The following DDI2 variants were observed in gnomAD, a reference collection of about 807,000 sequenced individuals.
DDI2 encodes the protein protein DDI1 homolog 2.
DDI2 carries 5 observed loss-of-function variants against 48.1 expected under a neutral mutation model. The ratio of observed to expected loss-of-function variants is 0.10; its 90% CI spans 0.05 to 0.22. The LOEUF is 0.22. DDI2 is among the 10% of genes least tolerant of loss of function. The pLI is 1.00. For synonymous variants in DDI2, 205 were observed against 183.6 expected (o/e 1.12, Z -0.94); for missense variants, 285 against 506.2 (o/e 0.56, Z 4.19).
chr1:15,633,431 T>G lies in DDI2; in HGVS notation c.506-8T>G, dbSNP rs1472456040. ...GATATTTAAGATTTTTCTCCCTTATTTTTGTAGAGAAATTTTCTAGAGTCC... is the reference window on the plus strand; with the variant it reads ...GATATTTAAGATTTTTCTCCCTTATGTTTGTAGAGAAATTTTCTAGAGTCC... On this transcript the variant is annotated splice_polypyrimidine_tract_variant and splice_region_variant and intron_variant, in intron 3 of 9. Transcript: ENST00000480945. 3 of 1,609,808 alleles carry G rather than the reference T, an allele frequency of 1.9e-6. No individual in the cohort carries two copies. Among genetic ancestry groups the G allele is most frequent in the Non-Finnish European group, 2.5e-6 (3 of 1,178,514 alleles).
At chr1:15,642,562 C>T (rs573805868) in intron 5 of DDI2, among the ~76,000 whole-genome samples, 4 of 152,288 alleles carry the variant, frequency 2.6e-5, no homozygotes, top group African/African-American at 7.2e-5. Flanking sequence ...GTGATCCTCC[C>T]GTCTTGGCCT....
intron 1 of DDI2, among the ~76,000 whole-genome samples, chr1:15,620,280 G>A (rs545504384): frequency 5.9e-5 from 9 of 152,248 alleles, no homozygotes; most frequent in African/African-American, 1.9e-4. Context: ...GTGTCTGGTG[G>A]TCGGTTGTCT....
At chr1:15,620,800 G>T (rs1233031098) in intron 1 of DDI2, among the ~76,000 whole-genome samples, 1 of 152,070 alleles carries the variant, frequency 6.6e-6, no homozygotes, top group Non-Finnish European at 1.5e-5. Flanking sequence ...TATCTGTAAA[G>T]TAACATTGTA....
chr1:15,629,393 C>T (rs1343560655), intron 2 of DDI2, among the ~76,000 whole-genome samples: 1 of 151,954 alleles, frequency 6.6e-6, no homozygotes, highest in Non-Finnish European at 1.5e-5. Context: ...GTCAGGATTT[C>T]GAGACCAGCC....
intron 2 of DDI2, among the ~76,000 whole-genome samples, chr1:15,627,372 G>A (rs1234133767): frequency 1.3e-5 from 2 of 152,218 alleles, no homozygotes; most frequent in Non-Finnish European, 2.9e-5. Context: ...AAAATTTGAT[G>A]CTTTTTCCAT....
rs1259676263 is a variant in DDI2 at position 15,665,307 on chromosome 1, C to G, written c.*5517C>G. ...GTAACCAGTTGCTTGGCAAAGGAAG[C>G]TGGAGAGATGGCGAGTGCATGTGTT... On this transcript the variant is annotated 3_prime_UTR_variant, in exon 10 of 10. Coordinates refer to ENST00000480945, the MANE Select transcript of DDI2 (RefSeq NM_032341.5). 6.6e-6 allele frequency: 1 copy of G among 151,466 alleles called. No individual in the cohort carries two copies. The highest frequency in any genetic ancestry group is 2.5e-5 in the African/African-American group (1 of 40,648). The allele number at this position is 151,466 out of a possible 1,614,324, so 9.4% of individuals were successfully genotyped here. A position where few individuals can be genotyped will look rare whatever the true frequency, so the allele number is the denominator to read the frequency against.
intron 1 of DDI2, among the ~76,000 whole-genome samples, chr1:15,618,949 T>C (rs1639609361): frequency 6.6e-6 from 1 of 152,248 alleles, no homozygotes; most frequent in African/African-American, 2.4e-5. Flanking sequence ...TTCAGAAGTA[T>C]GATTCCTTTA....
chr1:15,630,776 C>T (rs1273350935), intron 3 of DDI2, among the ~76,000 whole-genome samples: 1 of 152,150 alleles, frequency 6.6e-6, no homozygotes, highest in Non-Finnish European at 1.5e-5. Flanking sequence ...AGGCCACCCC[C>T]CTTGGTTTAC....
In DDI2 at chr1:15,617,574, C is replaced by A; in HGVS notation, c.-97C>A. 9.3e-7 allele frequency: 1 copy of A among 1,075,566 alleles called. No individual in the cohort carries two copies. Among genetic ancestry groups the A allele is most frequent in the Non-Finnish European group, 1.2e-6 (1 of 842,512 alleles). 66.6% of individuals were successfully genotyped at this position (1,075,566 alleles called of 1,614,324 possible). On this transcript the variant is annotated 5_prime_UTR_variant, in exon 1 of 10. Transcript: ENST00000480945. ...CGAGCGAACGAGCAGCCGGCGCCGT[C>A]CTCCCGCAGCACCAGCCAGGCCACG...
At chr1:15,625,959 T>G (rs1420148390) in intron 1 of DDI2, among the ~76,000 whole-genome samples, 1 of 152,210 alleles carries the variant, frequency 6.6e-6, no homozygotes, top group African/African-American at 2.4e-5. Flanking sequence ...GAAGGAAGAT[T>G]GCAGTGCAGG....
Position 15,662,292 on chromosome 1 carries a change from G to A in DDI2, c.*2502G>A, listed in dbSNP as rs1011506190. On this transcript the variant is annotated 3_prime_UTR_variant, in exon 10 of 10. Coordinates refer to ENST00000480945, the MANE Select transcript of DDI2 (RefSeq NM_032341.5). ...TTGGAGAATAATTGAATATCTTATC[G>A]TAGAGTGGTATGTTTTTATTTGTGT... is the stretch of plus-strand genomic sequence containing the variant. 5 of 152,338 alleles carry A rather than the reference G, an allele frequency of 3.3e-5. No individual in the cohort carries two copies. Among genetic ancestry groups the A allele is most frequent in the African/African-American group, 9.7e-5 (4 of 41,414 alleles). The allele number at this position is 152,338 out of a possible 1,614,324, so 9.4% of individuals were successfully genotyped here.
At chr1:15,619,784 T>G (rs1639628607) in intron 1 of DDI2, among the ~76,000 whole-genome samples, 1 of 152,136 alleles carries the variant, frequency 6.6e-6, no homozygotes, top group Non-Finnish European at 1.5e-5. Flanking sequence ...TTCCTCTAGC[T>G]GTTATATTAC....
intron 9 of DDI2, among the ~76,000 whole-genome samples, chr1:15,657,388 T>C (rs1021683617): frequency 6.6e-6 from 1 of 152,238 alleles, no homozygotes; most frequent in African/African-American, 2.4e-5. Flanking sequence ...ACATAGCATT[T>C]AGTTTCTCTT....
chr1:15,636,334 C>T (rs1424175222), intron 4 of DDI2, among the ~76,000 whole-genome samples: 1 of 152,062 alleles, frequency 6.6e-6, no homozygotes, highest in Admixed American at 6.6e-5. Flanking sequence ...CGCCGTGTTG[C>T]CCAGTCGTGT....
At chr1:15,633,160 C>T (rs1369231791) in intron 3 of DDI2, among the ~76,000 whole-genome samples, 1 of 152,000 alleles carries the variant, frequency 6.6e-6, no homozygotes, top group Non-Finnish European at 1.5e-5. Flanking sequence ...AACTCCTAGG[C>T]TCAAACGGTC....
At chr1:15,629,745 T>G (rs1366291093) in intron 2 of DDI2, among the ~76,000 whole-genome samples, 1 of 146,030 alleles carries the variant, frequency 6.8e-6, no homozygotes, top group African/African-American at 2.6e-5. Flanking sequence ...TTTTTTTTTC[T>G]TTTGAGATGA....
chr1:15,619,562 T>C lies in DDI2; in HGVS notation c.138+1754T>C, dbSNP rs375501932. On this transcript the variant is annotated intron_variant, in intron 1 of 9. Transcript: ENST00000480945. ...CTGCAAGCTCCACCTCCCGGGTTCG[T>C]GCCATTCTCCTGCCTCAGCCTCCCG... Among the ~76,000 whole-genome samples, 479 of 147,588 alleles carry C rather than the reference T, an allele frequency of 3.2e-3. 3 individuals are homozygous for C. Among genetic ancestry groups the C allele is most frequent in the African/African-American group, 0.011 (433 of 40,014 alleles).
At chr1:15,656,573 C>T in intron 8 of DDI2, 44 bp from the exon 9 acceptor site, 7 of 1,614,082 alleles carry the variant, frequency 4.3e-6, no homozygotes, top group Non-Finnish European at 5.9e-6. Flanking sequence ...GTGTGGTTTG[C>T]ATTGTTAACC....
chr1:15,634,539 C>CTTTTTTTTTTTTTTTTTTTTTTTTTTTT (rs370728497), intron 4 of DDI2, among the ~76,000 whole-genome samples: 16 of 100,138 alleles, frequency 1.6e-4, no homozygotes, highest in African/African-American at 4.1e-4. Context: ...TTCTTTTTAT[C>CTTTTTTTTTTTTTTTTTTTTTTTTTTTT]TTTTTTTTTT....
Sources: gnomAD v4.1 joint callset for allele counts (sites outside exome capture counted in the v4.1 genomes callset) on GRCh38, gnomAD v4.1.1 for gene constraint, MANE v1.5 for transcripts, NCBI Gene and HGNC (gene_info 2026-07-23, HGNC 2026-07-21) for gene names.